The following DLGAP2 variants were observed in gnomAD, a reference collection of about 807,000 sequenced individuals.
DLGAP2 encodes disks large-associated protein 2.
Under a neutral mutation model 100.3 loss-of-function variants are expected in DLGAP2, and 26 were observed. The ratio of observed to expected loss-of-function variants is 0.26; its 90% CI spans 0.19 to 0.36. The LOEUF is 0.36. DLGAP2 is among the 10% of genes least tolerant of loss of function. The pLI, the probability that DLGAP2 is intolerant of heterozygous loss-of-function variation, is 1.00. For synonymous variants in DLGAP2, 886 were observed against 630.1 expected (o/e 1.41, Z -6.08); for missense variants, 1,858 against 1,453.2 (o/e 1.28, Z -4.53).
At chr8:1,619,299 T>C (rs1797254344) in intron 6 of DLGAP2, among the ~76,000 whole-genome samples, 1 of 152,208 alleles carries the variant, frequency 6.6e-6, no homozygotes, top group African/African-American at 2.4e-5. Flanking sequence ...TAGAATGGCC[T>C]AAGTTAAAAA....
intron 4 of DLGAP2, among the ~76,000 whole-genome samples, chr8:1,547,193 C>T (rs897700078): frequency 6.6e-6 from 1 of 152,166 alleles, no homozygotes; most frequent in Admixed American, 6.5e-5. Context: ...CTCGGCAGCT[C>T]CTCTGGTCAT....
intron 2 of DLGAP2, among the ~76,000 whole-genome samples, chr8:943,504 C>T (rs943611288): frequency 6.6e-6 from 1 of 152,216 alleles, no homozygotes; most frequent in Non-Finnish European, 1.5e-5. Flanking sequence ...ACAAGCACAG[C>T]AAGAACCGCT....
At chr8:1,563,323 A>G (rs186355358) in intron 5 of DLGAP2, among the ~76,000 whole-genome samples, 13 of 25,444 alleles carry the variant, frequency 5.1e-4, no homozygotes, top group Admixed American at 1.6e-3. Flanking sequence ...GTGCCTCGTT[A>G]CTGGGGGGCT....
In DLGAP2 at chr8:1,307,663, G is replaced by A. The variant is rs1441657328; in HGVS notation, c.106+48780G>A. Among the ~76,000 whole-genome samples, 5 of 152,116 alleles carry A rather than the reference G, an allele frequency of 3.3e-5. No individual in the cohort carries two copies. In the East Asian group the frequency reaches 9.6e-4, roughly 29 times the overall value. ...TGTATAAGCAAAATGGGGCCTAGACGGGTGAAAGAAGAACATTTAGCCTTA... is the reference window on the plus strand; with the variant it reads ...TGTATAAGCAAAATGGGGCCTAGACAGGTGAAAGAAGAACATTTAGCCTTA... On this transcript the variant is annotated intron_variant, in intron 3 of 14. Coordinates refer to ENST00000637795, the MANE Select transcript of DLGAP2 (RefSeq NM_001346810.2).
At chr8:1,625,280 GATAAA>G (rs1478576466) in intron 6 of DLGAP2, among the ~76,000 whole-genome samples, 7 of 152,174 alleles carry the variant, frequency 4.6e-5, no homozygotes, top group African/African-American at 7.2e-5. Flanking sequence ...TACAGCTTTT[GATAAA>G]ATAAAATGAA....
chr8:1,664,487 G>A (rs1322500932), intron 8 of DLGAP2, among the ~76,000 whole-genome samples: 1 of 152,164 alleles, frequency 6.6e-6, no homozygotes, highest in African/African-American at 2.4e-5. Context: ...GCACACTGGG[G>A]CCAGGCTCTT....
chr8:1,377,270 C>T (rs575246930), intron 3 of DLGAP2, among the ~76,000 whole-genome samples: 257 of 152,268 alleles, frequency 1.7e-3, no homozygotes, highest in African/African-American at 5.8e-3. Flanking sequence ...TTCGGCCGAG[C>T]GCAGTGGCTC....
intron 3 of DLGAP2, among the ~76,000 whole-genome samples, chr8:1,291,250 C>G (rs760902371): frequency 6.6e-6 from 1 of 152,098 alleles, no homozygotes; most frequent in Non-Finnish European, 1.5e-5. Flanking sequence ...AATCACAAAC[C>G]AAACATCTGC....
At chr8:1,570,506 C>A (rs1025021508) in intron 6 of DLGAP2, among the ~76,000 whole-genome samples, 3 of 152,236 alleles carry the variant, frequency 2.0e-5, no homozygotes, top group African/African-American at 7.2e-5. Context: ...AAATTGATTT[C>A]TGAGTTGACC....
At chr8:1,146,358 C>T (rs1048867994) in intron 2 of DLGAP2, among the ~76,000 whole-genome samples, 2 of 152,202 alleles carry the variant, frequency 1.3e-5, no homozygotes, top group Non-Finnish European at 2.9e-5. Context: ...ATATGAGGCC[C>T]TTTACAAACA....
intron 8 of DLGAP2, among the ~76,000 whole-genome samples, 155 bp downstream of exon 8, chr8:1,633,201 C>A (rs1247497725): frequency 6.6e-6 from 1 of 152,150 alleles, no homozygotes; most frequent in Non-Finnish European, 1.5e-5. Context: ...CTGTCACATT[C>A]GCAAGGGTGT....
At chr8:1,124,008 G>A (rs1033332178) in intron 2 of DLGAP2, among the ~76,000 whole-genome samples, 2 of 142,586 alleles carry the variant, frequency 1.4e-5, no homozygotes, top group East Asian at 3.9e-4. Context: ...AAGTGAGAGC[G>A]TGGTATTCTT....
At chr8:1,166,461 G>C (rs1797018265) in intron 2 of DLGAP2, among the ~76,000 whole-genome samples, 1 of 152,210 alleles carries the variant, frequency 6.6e-6, no homozygotes, top group Non-Finnish European at 1.5e-5. Flanking sequence ...AGTGGGCAGA[G>C]CCTTCACATT....
chr8:1,370,517 A>T (rs1203129235), intron 3 of DLGAP2, among the ~76,000 whole-genome samples: 1 of 152,252 alleles, frequency 6.6e-6, no homozygotes, highest in Non-Finnish European at 1.5e-5. Context: ...TTAAGTAACA[A>T]GTCACATTTC....
At chr8:1,200,254 C>G (rs1022731519) in intron 2 of DLGAP2, among the ~76,000 whole-genome samples, 2 of 152,216 alleles carry the variant, frequency 1.3e-5, no homozygotes, top group African/African-American at 2.4e-5. Flanking sequence ...CTGCCTCTTT[C>G]CCCATCGAGG....
chr8:1,059,867 G>A (rs73540063), intron 2 of DLGAP2, among the ~76,000 whole-genome samples: 8,220 of 152,146 alleles, frequency 0.054, 734 homozygotes, highest in African/African-American at 0.19. Context: ...GCAGAGAGTC[G>A]GGGGCGGTCG....
chr8:1,245,587 G>T (rs531167157), intron 2 of DLGAP2, among the ~76,000 whole-genome samples: 1 of 152,302 alleles, frequency 6.6e-6, no homozygotes, highest in Admixed American at 6.5e-5. Flanking sequence ...TGGGGGCATG[G>T]AAATGAGGGT....
rs1798556934 is a variant in DLGAP2 at position 1,464,347 on chromosome 8, C to CAGCTCCCTTCCA, written c.107-37019_107-37018insAGCTCCCTTCCA. Among the ~76,000 whole-genome samples, 15 of 112,890 alleles carry CAGCTCCCTTCCA rather than the reference C, an allele frequency of 1.3e-4. 2 individuals are homozygous for CAGCTCCCTTCCA. Among genetic ancestry groups the CAGCTCCCTTCCA allele is most frequent in the East Asian group, 1.1e-3 (3 of 2,658 alleles). The allele number at this position is 112,890 out of a possible 152,430, so 74.1% of individuals were successfully genotyped here. ...CTTCCAGGACGGCACCCTTCCAGGA[C>CAGCTCCCTTCCA]GGCACCCTTCCAGGACAACGCCCTT... On this transcript the variant is annotated intron_variant, in intron 3 of 14. Coordinates refer to ENST00000637795, the MANE Select transcript of DLGAP2 (RefSeq NM_001346810.2).
At chr8:1,511,278 G>A (rs1421540177) in intron 4 of DLGAP2, among the ~76,000 whole-genome samples, 3 of 143,528 alleles carry the variant, frequency 2.1e-5, no homozygotes, top group African/African-American at 5.2e-5. Context: ...AGGACAATCA[G>A]TAGATGACCA....
Sources: allele counts gnomAD v4.1 joint callset (sites outside exome capture counted in the v4.1 genomes callset), GRCh38; gene constraint gnomAD v4.1.1; transcripts MANE v1.5; gene names NCBI Gene and HGNC (gene_info 2026-07-23, HGNC 2026-07-21).